CKMT2: variants seen among roughly 807,000 people sequenced by gnomAD.
CKMT2 encodes creatine kinase S-type, mitochondrial.
In CKMT2, 43 loss-of-function variants were observed where a neutral mutation model predicts 48.9. That is an observed-to-expected ratio of 0.88 (90% CI 0.69 to 1.13). CKMT2 has a LOEUF of 1.13. Among genes scored for constraint, CKMT2 ranks in the 50% most tolerant of loss-of-function variants. The pLI is 0.00. For synonymous variants in CKMT2, 206 were observed against 213.0 expected, an observed-to-expected ratio of 0.97 and a Z score of 0.29; for missense variants, 472 against 555.4, an observed-to-expected ratio of 0.85 and a Z score of 1.51.
At chr5:81,234,118 T>C (rs1756186198) in intron 1 of CKMT2, among the ~76,000 whole-genome samples, 1 of 144,204 alleles carries the variant, frequency 6.9e-6, no homozygotes, top group Non-Finnish European at 1.5e-5. Context: ...GCTTGGTTGG[T>C]TGTCCCGGGG....
rs1292081102 is a variant in CKMT2 at position 81,266,250 on chromosome 5, A to AAAAAGTAAACTTTCCCTTTCCCAATTTAT, written c.1256_*24dup. On this transcript the variant is annotated stop_gained and frameshift_variant, in exon 10 of 10. Coordinates refer to ENST00000254035, the MANE Select transcript of CKMT2 (RefSeq NM_001099735.2). LOFTEE classifies it high-confidence loss of function. ...GCCACCCCCTCTGCCTCAGTTTGGC[A>AAAAAGTAAACTTTCCCTTTCCCAATTTAT]AAAAGTAAACTTTCCCTTTCCCAAT... 6.8e-6 allele frequency: 11 copies of AAAAAGTAAACTTTCCCTTTCCCAATTTAT among 1,613,050 alleles called. No individual in the cohort carries two copies. Among genetic ancestry groups the AAAAAGTAAACTTTCCCTTTCCCAATTTAT allele is most frequent in the Non-Finnish European group, 8.5e-6 (10 of 1,179,122 alleles).
At chr5:81,243,785 G>A (rs1756516395) in intron 1 of CKMT2, among the ~76,000 whole-genome samples, 1 of 152,144 alleles carries the variant, frequency 6.6e-6, no homozygotes, top group South Asian at 2.1e-4. Flanking sequence ...CGCCTCCTGG[G>A]TTCAAGTGAT....
chr5:81,263,410 T>C (rs1022077639), intron 8 of CKMT2, 81 bp from the exon 9 acceptor site: 1 of 893,972 alleles, frequency 1.1e-6, no homozygotes. Flanking sequence ...TCTCACTATA[T>C]GTCTTTTGTC....
At chr5:81,256,419 C>T (rs894166769) in intron 5 of CKMT2, among the ~76,000 whole-genome samples, 2 of 152,328 alleles carry the variant, frequency 1.3e-5, no homozygotes, top group African/African-American at 4.8e-5. Flanking sequence ...GAGCCTGGCA[C>T]AGTCAGCATT....
At position 81,266,279 on chromosome 5, in the gene CKMT2, T is replaced by C; in HGVS notation, c.*21T>C. The C allele has an allele frequency of 2.5e-6, 4 of 1,611,036 alleles. No individual in the cohort carries two copies. Among genetic ancestry groups the C allele is most frequent in the Non-Finnish European group, 2.5e-6 (3 of 1,177,720 alleles). Reference sequence around the variant, plus strand: ...AGTAAACTTTCCCTTTCCCAATTTATAAATAATCTGTCTGCTGGTACGACA... The same window carrying C: ...AGTAAACTTTCCCTTTCCCAATTTACAAATAATCTGTCTGCTGGTACGACA... On this transcript the variant is annotated 3_prime_UTR_variant, in exon 10 of 10. Coordinates refer to ENST00000254035, the MANE Select transcript of CKMT2 (RefSeq NM_001099735.2).
intron 1 of CKMT2, among the ~76,000 whole-genome samples, chr5:81,249,627 T>A (rs1485516301): frequency 6.8e-6 from 1 of 146,708 alleles, no homozygotes; most frequent in Non-Finnish European, 1.5e-5. Context: ...TATAAATACT[T>A]ATTTAGATTT....
rs111903740 is a variant in CKMT2 at position 81,240,805 on chromosome 5, G to A, written c.-21+7428G>A. On this transcript the variant is annotated intron_variant, in intron 1 of 9. Coordinates refer to ENST00000254035, the MANE Select transcript of CKMT2 (RefSeq NM_001099735.2). ...AAGTACCCTGCCCTTGAAAGCACTC[G>A]AATTTTGTTTTCTCTCCTTATTCAG... Among the ~76,000 whole-genome samples the A allele has an allele frequency of 3.3e-5, 5 of 152,206 alleles. 1 individual carries two copies. The highest frequency in any genetic ancestry group is 9.6e-5 in the African/African-American group (4 of 41,502).
chr5:81,241,695 C>T (rs983452582), intron 1 of CKMT2, among the ~76,000 whole-genome samples: 20 of 152,198 alleles, frequency 1.3e-4, no homozygotes, highest in Non-Finnish European at 2.9e-5. Context: ...TACTTTAGTT[C>T]GAGAACATGT....
intron 6 of CKMT2, 126 bp downstream of exon 6, chr5:81,257,126 A>G (rs1419493383): frequency 4.5e-6 from 3 of 664,150 alleles, no homozygotes; most frequent in Non-Finnish European, 7.8e-6. Context: ...CTAAATGGAA[A>G]AAGACTACTT....
intron 1 of CKMT2, among the ~76,000 whole-genome samples, chr5:81,235,569 C>G (rs1438084384): frequency 6.6e-6 from 1 of 152,192 alleles, no homozygotes; most frequent in Non-Finnish European, 1.5e-5. Context: ...AGACATGGTC[C>G]ATCCGGGATG....
chr5:81,248,242 C>T (rs1756678147), intron 1 of CKMT2, among the ~76,000 whole-genome samples: 1 of 152,216 alleles, frequency 6.6e-6, no homozygotes, highest in African/African-American at 2.4e-5. Context: ...ACATTTGGGT[C>T]ATCCCTGGTC....
At chr5:81,242,582 A>C in intron 1 of CKMT2, 1 of 378,758 alleles carries the variant, frequency 2.6e-6, no homozygotes. Context: ...CAGGCACACA[A>C]AGATGGGGTT....
At chr5:81,234,389 G>C (rs886361768) in intron 1 of CKMT2, among the ~76,000 whole-genome samples, 3 of 152,108 alleles carry the variant, frequency 2.0e-5, no homozygotes, top group African/African-American at 7.2e-5. Context: ...TGCTTTTCCT[G>C]TCTACGGCTC....
intron 1 of CKMT2, 45 bp from the exon 2 acceptor site, chr5:81,251,068 G>A: frequency 6.5e-7 from 1 of 1,543,456 alleles, no homozygotes; most frequent in Non-Finnish European, 8.9e-7. Flanking sequence ...TTGTGGCTCA[G>A]GGTCATCCTA....
At chr5:81,242,571 G>A (rs1756473958) in intron 1 of CKMT2, 4 of 389,152 alleles carry the variant, frequency 1.0e-5, no homozygotes, top group South Asian at 9.7e-5. Flanking sequence ...AGAATTGGAT[G>A]CAGGCACACA....
intron 1 of CKMT2, among the ~76,000 whole-genome samples, chr5:81,250,173 T>C (rs1012788904): frequency 3.3e-5 from 5 of 152,244 alleles, no homozygotes; most frequent in Non-Finnish European, 7.3e-5. Context: ...TGCTACATTC[T>C]GAGTAATTTC....
At chr5:81,256,081 C>A (rs1338820209) in intron 5 of CKMT2, among the ~76,000 whole-genome samples, 2 of 152,172 alleles carry the variant, frequency 1.3e-5, no homozygotes, top group African/African-American at 4.8e-5. Context: ...CTCCCCACAT[C>A]CACTTGGTCT....
At chr5:81,246,612 A>C (rs968359747) in intron 1 of CKMT2, among the ~76,000 whole-genome samples, 3 of 152,204 alleles carry the variant, frequency 2.0e-5, no homozygotes, top group African/African-American at 7.2e-5. Flanking sequence ...TGCCTAGCAC[A>C]GTGCCTAACA....
At chr5:81,262,237 C>A (rs1757248454) in intron 8 of CKMT2, among the ~76,000 whole-genome samples, 1 of 152,110 alleles carries the variant, frequency 6.6e-6, no homozygotes, top group Non-Finnish European at 1.5e-5. Context: ...ACCATAAAAA[C>A]CCTAGAAGAA....
Sources: gnomAD v4.1 joint callset for allele counts (sites outside exome capture counted in the v4.1 genomes callset) on GRCh38, gnomAD v4.1.1 for gene constraint, MANE v1.5 for transcripts, NCBI Gene and HGNC (gene_info 2026-07-23, HGNC 2026-07-21) for gene names.